The following EPHA10 variants were observed in gnomAD, a reference collection of about 807,000 sequenced individuals.
EPHA10 encodes EPH receptor A10, also known as ephrin type-A receptor 10.
Under a neutral mutation model 109.7 loss-of-function variants are expected in EPHA10, and 120 were observed. The observed-to-expected ratio is 1.09, with a 90% CI of 0.94 to 1.27. The LOEUF (loss-of-function observed/expected upper bound fraction) is 1.27. EPHA10 is among the 50% of genes most tolerant of loss of function. The pLI, the probability that EPHA10 is intolerant of heterozygous loss-of-function variation, is 0.00. For missense variants in EPHA10, 1,396 were observed against 1,411.1 expected (o/e 0.99, Z 0.17); for synonymous variants, 640 against 618.9 (o/e 1.03, Z -0.51).
Position 37,745,101 on chromosome 1 carries a change from G to A in EPHA10, c.1357+7775C>T, listed in dbSNP as rs74065208. On this transcript the variant is annotated intron_variant, in intron 5 of 16. Transcript: ENST00000373048. The stretch of plus-strand genomic sequence containing the variant: ...GAAGGGTCCTCCTCTAGAATCATCA[G>A]AGGCAGCGTGGCTCTGACGACACCT... Among the ~76,000 whole-genome samples the A allele has an allele frequency of 8.7e-3, 1,329 of 152,302 alleles. 16 individuals carry two copies. The highest frequency in any genetic ancestry group is 0.03 in the African/African-American group (1,240 of 41,560).
At chr1:37,733,046 CCAT>C in intron 6 of EPHA10, among the ~76,000 whole-genome samples, 1 of 151,482 alleles carries the variant, frequency 6.6e-6, no homozygotes, top group East Asian at 1.9e-4. Context: ...GCACCCACCA[CCAT>C]GTCTGGCTAA....
downstream of EPHA10, chr1:37,715,733 G>A: frequency 2.8e-6 from 1 of 356,110 alleles, no homozygotes; most frequent in East Asian, 6.2e-5. Context: ...TACTGCTCCT[G>A]AGACTGGGTA....
At chr1:37,731,367 G>A (rs754363577) in intron 7 of EPHA10, 44 bp downstream of exon 7, 1 of 1,519,420 alleles carries the variant, frequency 6.6e-7, no homozygotes, top group African/African-American at 1.4e-5. Context: ...CCCGTGCAGG[G>A]TTCTCTCTGT....
At chr1:37,761,240 A>G in intron 3 of EPHA10, 165 bp downstream of exon 3, 1 of 1,498,698 alleles carries the variant, frequency 6.7e-7, no homozygotes, top group Non-Finnish European at 8.8e-7. Context: ...GACTGGACTC[A>G]CTGGAAACTC....
At chr1:37,762,210 C>A in intron 2 of EPHA10, 127 bp from the exon 3 acceptor site, 1 of 865,894 alleles carries the variant, frequency 1.2e-6, no homozygotes, top group East Asian at 2.7e-5. Flanking sequence ...AGATGCAGCG[C>A]TGGGAGAAAC....
chr1:37,714,796 GAGC>G (rs1377034547), downstream of EPHA10: 2 of 152,272 alleles, frequency 1.3e-5, no homozygotes, highest in African/African-American at 4.8e-5. Context: ...GAGAGGCCCA[GAGC>G]AGAAGCTCCC....
chr1:37,734,580 G>C (rs185929465), intron 6 of EPHA10: 5 of 453,324 alleles, frequency 1.1e-5, no homozygotes, highest in African/African-American at 2.0e-5. Flanking sequence ...ATAAACTTAC[G>C]GGGAAAAGAG....
At chr1:37,743,258 T>C (rs1646182653) in intron 5 of EPHA10, among the ~76,000 whole-genome samples, 1 of 152,130 alleles carries the variant, frequency 6.6e-6, no homozygotes, top group African/African-American at 2.4e-5. Context: ...TGAAAAGTGA[T>C]TTAATATGAT....
Position 37,735,297 on chromosome 1 carries a change from C to G in EPHA10, c.1451G>C (p.Gly484Ala), listed in dbSNP as rs558648861. The G allele has an allele frequency of 2.9e-5, 45 of 1,561,874 alleles. No homozygotes were observed. The South Asian group carries it at 5.1e-4, about 18-fold the overall frequency. The stretch of plus-strand genomic sequence containing the variant: ...GATCTCGTACTCCGTGTCATTGGCC[C>G]CAGGGGCTCCGGCAGGGATGGGCTC... ...WREPIPAGAP[G>A]ANDTEYEIRY... Residue 484 changes from glycine (G) to alanine (A), a missense_variant, in exon 6 of 17, where the codon GGG (glycine) becomes GCG (alanine). Physicochemically the swap from Gly to Ala is moderately conservative, Grantham distance 60 (BLOSUM62 0). Coordinates refer to ENST00000373048, the MANE Select transcript of EPHA10 (RefSeq NM_001099439.2).
At chr1:37,752,729 T>C in intron 5 of EPHA10, 147 bp downstream of exon 5, 1 of 437,044 alleles carries the variant, frequency 2.3e-6, no homozygotes, top group Non-Finnish European at 3.3e-6. Flanking sequence ...TGACTTTGTG[T>C]CCCGGAGAGG....
In EPHA10 at chr1:37,723,364, CT is replaced by C. The variant is rs1415365501; in HGVS notation, c.1780del (p.Ser594AlafsTer81). The C allele has an allele frequency of 6.2e-7, 1 of 1,614,082 alleles. No individual in the cohort carries two copies. The highest frequency in any genetic ancestry group is 1.3e-5 in the African/African-American group (1 of 74,956). ...GGCATCCCCTCCTCCTTTGCCATAG[CT>C]GCAGGGCCTGGCAGGGAGTTCAGGG... ...SVLAIWRRPCSYGKGGGDAHD... is the reference protein window; with the variant it reads ...SVLAIWRRPCXYGKGGGDAHD... On this transcript the variant is annotated frameshift_variant, in exon 9 of 17. Transcript: ENST00000373048. LOFTEE classifies it high-confidence loss of function.
intron 7 of EPHA10, among the ~76,000 whole-genome samples, chr1:37,728,524 G>T (rs531962174): frequency 6.6e-6 from 1 of 152,300 alleles, no homozygotes; most frequent in East Asian, 1.9e-4. Context: ...TTCCGCGTGG[G>T]ACACAGGGAG....
chr1:37,753,993 AC>A (rs1394525002), intron 4 of EPHA10, among the ~76,000 whole-genome samples: 1 of 151,460 alleles, frequency 6.6e-6, no homozygotes, highest in Non-Finnish European at 1.5e-5. Context: ...CTCCGTCTGG[AC>A]TCTCGCAGTT....
intron 6 of EPHA10, among the ~76,000 whole-genome samples, chr1:37,731,970 G>A (rs1645990677): frequency 6.6e-6 from 1 of 152,346 alleles, no homozygotes; most frequent in African/African-American, 2.4e-5. Flanking sequence ...ATGAGAGAAT[G>A]AGCCCTGACA....
At chr1:37,743,586 G>T (rs757995159) in intron 5 of EPHA10, among the ~76,000 whole-genome samples, 1 of 152,190 alleles carries the variant, frequency 6.6e-6, no homozygotes, top group East Asian at 1.9e-4. Context: ...ACTCGTGATG[G>T]TTTAACTGAT....
At position 37,716,802 on chromosome 1, in the gene EPHA10, C is replaced by T; in HGVS notation, c.*1570G>A. 1 of 232,912 alleles carries T rather than the reference C, an allele frequency of 4.3e-6. No individual in the cohort carries two copies. Among genetic ancestry groups the T allele is most frequent in the Non-Finnish European group, 8.5e-6 (1 of 117,828 alleles). The allele number at this position is 232,912 out of a possible 1,614,324, so 14.4% of individuals were successfully genotyped here. A position where few individuals can be genotyped will look rare whatever the true frequency, so the allele number is the denominator to read the frequency against. On this transcript the variant is annotated 3_prime_UTR_variant, in exon 17 of 17. Transcript: ENST00000373048. ...ACCTTCCCTTTCCCACCTGCAAGGC[C>T]CTGTTCAACTTACATCTCAACTTCA...
intron 10 of EPHA10, 66 bp from the exon 11 acceptor site, chr1:37,721,911 G>A: frequency 1.4e-6 from 2 of 1,407,542 alleles, no homozygotes; most frequent in Non-Finnish European, 1.9e-6. Flanking sequence ...GGCAGGCTGA[G>A]CCGAGGAGAA....
chr1:37,723,208 C>T (rs11582856), intron 9 of EPHA10, 42 bp from the exon 10 acceptor site: 132,506 of 1,605,750 alleles, frequency 0.083, 6,103 homozygotes, highest in Middle Eastern at 0.1. Flanking sequence ...GGGCCTCCAC[C>T]ACTGGGGCTG....
chr1:37,723,165 G>A lies in EPHA10; in HGVS notation c.1836C>T (p.Phe612=). Reference sequence around the variant, plus strand: ...GGAATGTGCGACGTGTTGGGACTTTGACTGGGAGAGAAAGAGATGAGCCTG... The same window carrying A: ...GGAATGTGCGACGTGTTGGGACTTTAACTGGGAGAGAAAGAGATGAGCCTG... ...AHDEEELYFH[F]KVPTRRTFLD... Residue 612 remains phenylalanine (F), a splice_region_variant and synonymous_variant, in exon 10 of 17, where the codon TTC becomes TTT. Transcript: ENST00000373048. The A allele has an allele frequency of 6.2e-7, 1 of 1,612,788 alleles. No homozygotes were observed. Among genetic ancestry groups the A allele is most frequent in the South Asian group, 1.1e-5 (1 of 90,946 alleles).
Sources: gnomAD v4.1 joint callset for allele counts (sites outside exome capture counted in the v4.1 genomes callset) on GRCh38, gnomAD v4.1.1 for gene constraint, MANE v1.5 for transcripts, NCBI Gene and HGNC (gene_info 2026-07-23, HGNC 2026-07-21) for gene names.